The following MROH2B variants were observed in gnomAD, a reference collection of about 807,000 sequenced individuals.
MROH2B encodes the protein maestro heat like repeat family member 2B.
Under a neutral mutation model 208.6 loss-of-function variants are expected in MROH2B, and 177 were observed. The ratio of observed to expected loss-of-function variants is 0.85; its 90% confidence interval spans 0.75 to 0.96. MROH2B has a LOEUF of 0.96. MROH2B is among the 40% of genes least tolerant of loss of function. MROH2B has a pLI of 0.00. For synonymous variants in MROH2B, 728 were observed against 659.0 expected (o/e 1.10, Z -1.60); for missense variants, 2,002 against 1,878.7 (o/e 1.07, Z -1.21).
At chr5:41,058,942 G>A (rs1743550962) in intron 6 of MROH2B, among the ~76,000 whole-genome samples, 1 of 151,542 alleles carries the variant, frequency 6.6e-6, no homozygotes, top group Admixed American at 6.6e-5. Flanking sequence ...CAGCTACTTG[G>A]GAGGCCGAAG....
At position 41,018,924 on chromosome 5, in the gene MROH2B, T is replaced by A. The variant is rs1324153060; in HGVS notation, c.2536A>T (p.Lys846Ter). 1.2e-6 allele frequency: 2 copies of A among 1,613,798 alleles called. No individual in the cohort carries two copies. The highest frequency in any genetic ancestry group is 1.7e-6 in the Non-Finnish European group (2 of 1,179,876). ...TCCTTGTCTGTCTGGCCTTCACTTT[T>A]CAGATTTTCCAGAGGTGGAAGGGGC... is the stretch of plus-strand genomic sequence containing the variant. ...LLPLPPLENLKSEGQTDKDKE... is the reference protein window; with the variant it reads ...LLPLPPLENL The change falls in exon 25 of 42, where the codon AAA becomes TAA. Residue 846 changes from lysine (K) to a stop codon, truncating the protein, a stop_gained. Coordinates refer to ENST00000399564, the MANE Select transcript of MROH2B (RefSeq NM_173489.5). LOFTEE classifies it high-confidence loss of function.
At chr5:41,045,722 T>A in intron 18 of MROH2B, 24 bp downstream of exon 18, 2 of 1,580,588 alleles carry the variant, frequency 1.3e-6, no homozygotes, top group Non-Finnish European at 1.7e-6. Flanking sequence ...AAAGCTAAGG[T>A]TTCCCCTCAG....
At chr5:41,055,076 T>C (rs778594039) in intron 10 of MROH2B, among the ~76,000 whole-genome samples, 2 of 152,222 alleles carry the variant, frequency 1.3e-5, no homozygotes, top group African/African-American at 2.4e-5. Flanking sequence ...TTAGGTTCCA[T>C]AGTGGTTTCA....
intron 3 of MROH2B, among the ~76,000 whole-genome samples, chr5:41,065,802 C>T (rs562677673): frequency 6.6e-6 from 1 of 152,118 alleles, no homozygotes; most frequent in Non-Finnish European, 1.5e-5. Context: ...CTCTGCTTTC[C>T]CAGCAACTGA....
rs532598337 is a variant in MROH2B at position 41,011,171 on chromosome 5, CAT to C, written c.3136-1094_3136-1093del. Among the ~76,000 whole-genome samples the C allele has an allele frequency of 1.2e-4, 19 of 152,310 alleles. No homozygotes were observed. In the South Asian group the frequency reaches 3.1e-3, roughly 25 times the overall value. The stretch of plus-strand genomic sequence containing the variant: ...TTTGGATTTTTGACATGGACACAGG[CAT>C]ATATCTATCTTAAAGTAACTCTGCT... On this transcript the variant is annotated intron_variant, in intron 30 of 41. Transcript: ENST00000399564.
intron 24 of MROH2B, among the ~76,000 whole-genome samples, chr5:41,024,999 C>T (rs1742298852): frequency 1.3e-5 from 2 of 152,154 alleles, no homozygotes; most frequent in Non-Finnish European, 2.9e-5. Context: ...AGAACAAAGA[C>T]ACAACATACC....
chr5:41,000,612 A>C (rs1741364847), intron 38 of MROH2B, 66 bp downstream of exon 38: 2 of 1,524,050 alleles, frequency 1.3e-6, no homozygotes, highest in Non-Finnish European at 1.8e-6. Flanking sequence ...CAGCTAGACC[A>C]GGCTTATTGG....
Position 41,033,781 on chromosome 5 carries a change from TTATC to T in MROH2B, c.2241+53_2241+56del, listed in dbSNP as rs368384200. The T allele has an allele frequency of 6.0e-3, 4,564 of 766,604 alleles. 33 individuals are homozygous for T. Among genetic ancestry groups the T allele is most frequent in the African/African-American group, 0.022 (1,174 of 52,968 alleles). 47.5% of individuals were successfully genotyped at this position (766,604 alleles called of 1,614,324 possible). ...TTGCTTGGCACACTTCAGGGGGGCA[TTATC>T]TATCTATCTATCTATCTATCTATCT... is the stretch of plus-strand genomic sequence containing the variant. On this transcript the variant is annotated intron_variant, in intron 22 of 41. Transcript: ENST00000399564.
In MROH2B at chr5:41,050,971, ACTTAC is replaced by A; in HGVS notation, c.1344+1_1344+5del. 6.4e-7 allele frequency: 1 copy of A among 1,559,736 alleles called. No individual in the cohort carries two copies. Among genetic ancestry groups the A allele is most frequent in the Non-Finnish European group, 8.7e-7 (1 of 1,153,794 alleles). On this transcript the variant is annotated splice_donor_variant and splice_donor_5th_base_variant and intron_variant, in intron 13 of 41. Transcript: ENST00000399564. LOFTEE classifies it high-confidence loss of function. ...TAACTGTAAGTGGTGACAAAAGACC[ACTTAC>A]CTGAGGCATTCCAATGACCAGTGGG...
intron 24 of MROH2B, among the ~76,000 whole-genome samples, chr5:41,024,922 C>A (rs1177009749): frequency 6.6e-6 from 1 of 152,182 alleles, no homozygotes; most frequent in Non-Finnish European, 1.5e-5. Flanking sequence ...GAAAAACCTG[C>A]TCCTGAGTGA....
intron 23 of MROH2B, 72 bp from the exon 24 acceptor site, chr5:41,032,893 A>T: frequency 6.4e-7 from 1 of 1,556,032 alleles, no homozygotes; most frequent in South Asian, 1.2e-5. Flanking sequence ...CTGCAACCTC[A>T]TCAGACCATT....
chr5:41,042,253 C>A (rs1402279454), intron 18 of MROH2B, 45 bp from the exon 19 acceptor site: 3 of 1,192,434 alleles, frequency 2.5e-6, no homozygotes. Context: ...GGTTGGAAAG[C>A]AAGACTCTGA....
rs774078204 is a variant in MROH2B, at chr5:41,010,012, T to C, written c.3203A>G (p.Gln1068Arg). Residue 1068 changes from glutamine (Q) to arginine (R), a missense_variant, in exon 31 of 42, where the codon CAG becomes CGG. Coordinates refer to ENST00000399564, the MANE Select transcript of MROH2B (RefSeq NM_173489.5). ...CTGGGAGATGGCTTCTAGAATGAAC[T>C]GAAAACTTTCTTCTTTTTGTCTGAG... ...PVLRQKEESFQFILEAISQIA... is the reference protein window; with the variant it reads ...PVLRQKEESFRFILEAISQIA... 3 of 1,613,736 alleles carry C rather than the reference T, an allele frequency of 1.9e-6. No individual in the cohort carries two copies. Among genetic ancestry groups the C allele is most frequent in the African/African-American group, 2.7e-5 (2 of 74,922 alleles).
chr5:41,035,978 C>T (rs568086014), intron 21 of MROH2B, among the ~76,000 whole-genome samples: 1 of 152,006 alleles, frequency 6.6e-6, no homozygotes, highest in Non-Finnish European at 1.5e-5. Flanking sequence ...TCCAGTGATT[C>T]CATTACTGGG....
intron 15 of MROH2B, among the ~76,000 whole-genome samples, chr5:41,048,749 A>G (rs955207918): frequency 2.0e-5 from 3 of 152,230 alleles, no homozygotes; most frequent in Non-Finnish European, 4.4e-5. Flanking sequence ...TTAATTAAAT[A>G]AAGGCATGAG....
chr5:41,018,590 C>G (rs915009100), intron 26 of MROH2B, 101 bp downstream of exon 26: 1 of 1,472,554 alleles, frequency 6.8e-7, no homozygotes, highest in African/African-American at 1.4e-5. Flanking sequence ...GTGGGTCCAG[C>G]TGGATGTCTT....
At position 41,039,546 on chromosome 5, in the gene MROH2B, A is replaced by G; in HGVS notation, c.1963T>C (p.Ser655Pro). The change falls in exon 20 of 42, where the codon TCT (serine) becomes CCT (proline). Residue 655 changes from serine to proline, a missense_variant. By Grantham distance (74) the Ser-to-Pro change is moderately conservative. Coordinates refer to ENST00000399564, the MANE Select transcript of MROH2B (RefSeq NM_173489.5). ...QLGDQRQGIT[S>P]ILGYCAENHL... The stretch of plus-strand genomic sequence containing the variant: ...TTCTCGGCACAGTATCCTAAAATAG[A>G]TGTTATTCCCTAAAATCAGAAAAGG... 3.2e-6 allele frequency: 5 copies of G among 1,582,168 alleles called. No homozygotes were observed. Among genetic ancestry groups the G allele is most frequent in the Non-Finnish European group, 4.3e-6 (5 of 1,161,382 alleles).
intron 21 of MROH2B, among the ~76,000 whole-genome samples, chr5:41,035,889 G>A (rs1742741748): frequency 6.6e-6 from 1 of 151,968 alleles, no homozygotes; most frequent in African/African-American, 2.4e-5. Context: ...ACACTGTTGG[G>A]GGGAATGTAA....
intron 19 of MROH2B, among the ~76,000 whole-genome samples, chr5:41,039,851 G>A (rs1742888903): frequency 6.6e-6 from 1 of 152,184 alleles, no homozygotes; most frequent in Non-Finnish European, 1.5e-5. Context: ...GAGGATTGGG[G>A]GAAGTTTGCA....
Sources: gnomAD v4.1 joint callset for allele counts (sites outside exome capture counted in the v4.1 genomes callset) on GRCh38, gnomAD v4.1.1 for gene constraint, MANE v1.5 for transcripts, NCBI Gene and HGNC (gene_info 2026-07-23, HGNC 2026-07-21) for gene names.